The following KCNJ5 variants were observed in gnomAD, a reference collection of about 807,000 sequenced individuals.
KCNJ5 encodes the protein potassium inwardly rectifying channel subfamily J member 5.
Under a neutral mutation model 20.2 loss-of-function variants are expected in KCNJ5, and 12 were observed. The observed-to-expected ratio is 0.59, with a 90% CI of 0.38 to 0.96. The LOEUF is 0.96. KCNJ5 is among the 40% of genes least tolerant of loss of function. KCNJ5 has a pLI of 0.00. For synonymous variants in KCNJ5, 210 were observed against 213.9 expected, an observed-to-expected ratio of 0.98 and a Z score of 0.16; for missense variants, 449 against 557.6, an observed-to-expected ratio of 0.81 and a Z score of 1.96.
chr11:128,904,402 A>G (rs1422826821), intron 1 of KCNJ5: 2 of 1,613,282 alleles, frequency 1.2e-6, no homozygotes, highest in Admixed American at 1.7e-5. Context: ...GCGGACAGAG[A>G]ACGCATCAAG....
chr11:128,903,200 A>T (rs1201778243), intron 1 of KCNJ5, among the ~76,000 whole-genome samples: 1 of 152,232 alleles, frequency 6.6e-6, no homozygotes, highest in Non-Finnish European at 1.5e-5. Context: ...TTCCTAAAAT[A>T]AAGAGAATGC....
At chr11:128,914,608 C>A (rs1944550462) in intron 2 of KCNJ5, among the ~76,000 whole-genome samples, 1 of 152,206 alleles carries the variant, frequency 6.6e-6, no homozygotes, top group South Asian at 2.1e-4. Context: ...CGTATCCTGC[C>A]TGAGCGGGTT....
chr11:128,904,484 A>G (rs1427492587), intron 1 of KCNJ5: 2 of 1,601,894 alleles, frequency 1.2e-6, no homozygotes, highest in South Asian at 2.2e-5. Flanking sequence ...CACGTTGTCC[A>G]GCTCCCAGCT....
chr11:128,894,786 G>T (rs1019130932), intron 1 of KCNJ5, among the ~76,000 whole-genome samples: 5 of 152,340 alleles, frequency 3.3e-5, no homozygotes, highest in African/African-American at 9.6e-5. Context: ...TGCAGCAGCA[G>T]CTTATCTAGT....
chr11:128,906,312 T>C (rs545456656), intron 1 of KCNJ5, among the ~76,000 whole-genome samples: 21 of 152,310 alleles, frequency 1.4e-4, no homozygotes, highest in African/African-American at 5.1e-4. Context: ...TTCCTAACTG[T>C]TTATGATCCG....
rs184052124 is a variant in KCNJ5 at position 128,911,002 on chromosome 11, G to C, written c.-10-262G>C. ...AAACCCTTTCAACACTTAATGTGTA[G>C]TTTGCACCTAGATATTGTTCATTTA... On this transcript the variant is annotated intron_variant, in intron 1 of 2. Transcript: ENST00000529694. The surrounding 1 kb of genome is among the most constrained non-coding windows in gnomAD (Gnocchi z 6.3). Among the ~76,000 whole-genome samples the C allele has an allele frequency of 1.2e-3, 177 of 152,282 alleles. 1 individual carries two copies. The highest frequency in any genetic ancestry group is 2.0e-3 in the Admixed American group (30 of 15,302).
At chr11:128,899,098 G>A (rs1944223571) in intron 1 of KCNJ5, among the ~76,000 whole-genome samples, 3 of 151,830 alleles carry the variant, frequency 2.0e-5, no homozygotes, top group Admixed American at 2.0e-4. Flanking sequence ...TTCCATTTTT[G>A]TGGAGTTGCT....
At chr11:128,908,318 A>G (rs1401853387) in intron 1 of KCNJ5, among the ~76,000 whole-genome samples, 1 of 152,178 alleles carries the variant, frequency 6.6e-6, no homozygotes, top group Non-Finnish European at 1.5e-5. Context: ...GGGCTGGAGG[A>G]GCAGAGGATA....
chr11:128,914,745 G>A (rs529011555), intron 2 of KCNJ5, among the ~76,000 whole-genome samples: 50 of 152,324 alleles, frequency 3.3e-4, no homozygotes, highest in Non-Finnish European at 4.9e-4. Context: ...CTTTCCAAAC[G>A]TATTGAGCAA....
intron 2 of KCNJ5, among the ~76,000 whole-genome samples, chr11:128,914,543 T>C (rs1440802389): frequency 6.6e-6 from 1 of 152,172 alleles, no homozygotes; most frequent in Non-Finnish European, 1.5e-5. Context: ...GTCAAGCACA[T>C]GCAGCCAGGT....
In KCNJ5 at chr11:128,920,871, C is replaced by T. The variant is rs953733146; in HGVS notation, c.*4140C>T. 6.6e-6 allele frequency: 1 copy of T among 152,272 alleles called. No homozygotes were observed. The highest frequency in any genetic ancestry group is 2.4e-5 in the African/African-American group (1 of 41,464). 9.4% of individuals were successfully genotyped at this position (152,272 alleles called of 1,614,324 possible). ...GGTCGCGCCGATTCACATGCTGTGC[C>T]ACGGAGCCCCGGCTTCCATCCATGA... On this transcript the variant is annotated 3_prime_UTR_variant, in exon 3 of 3. Transcript: ENST00000529694.
At position 128,911,632 on chromosome 11, in the gene KCNJ5, A is replaced by T; in HGVS notation, c.359A>T (p.His120Leu). The T allele has an allele frequency of 6.2e-7, 1 of 1,614,206 alleles. No individual in the cohort carries two copies. Among genetic ancestry groups the T allele is most frequent in the Non-Finnish European group, 8.5e-7 (1 of 1,180,034 alleles). ...GCTTATATCCGGGGTGACCTGGACC[A>T]TGTTGGCGACCAAGAGTGGATTCCT... is the stretch of plus-strand genomic sequence containing the variant. ...LIAYIRGDLD[H>L]VGDQEWIPCV... Residue 120 changes from histidine to leucine, a missense_variant, in exon 2 of 3, where the codon CAT (histidine) becomes CTT (leucine). Around this residue, in one of 5 missense-constraint regions of KCNJ5, gnomAD observed 203 missense variants for 258.0 expected, o/e 0.79. Transcript: ENST00000529694. This position sits in a 1 kb window ranked among gnomAD's most constrained non-coding sequence, Gnocchi z 6.3.
chr11:128,913,279 C>CA (rs1280343996), intron 2 of KCNJ5, among the ~76,000 whole-genome samples: 2 of 152,024 alleles, frequency 1.3e-5, no homozygotes, highest in Admixed American at 6.5e-5. Context: ...TCCTTTCTCA[C>CA]AAAAAAACAG....
intron 1 of KCNJ5, among the ~76,000 whole-genome samples, chr11:128,893,046 A>G (rs1015970313): frequency 4.6e-5 from 7 of 152,228 alleles, no homozygotes; most frequent in African/African-American, 1.7e-4. Context: ...GCTTTTCCTC[A>G]AAGCCAGGTG....
At position 128,911,077 on chromosome 11, in the gene KCNJ5, C is replaced by T. The variant is rs1157614332; in HGVS notation, c.-10-187C>T. 2 of 612,810 alleles carry T rather than the reference C, an allele frequency of 3.3e-6. No individual in the cohort carries two copies. Among genetic ancestry groups the T allele is most frequent in the Non-Finnish European group, 5.8e-6 (2 of 345,362 alleles). 38.0% of individuals were successfully genotyped at this position (612,810 alleles called of 1,614,324 possible). On this transcript the variant is annotated intron_variant, in intron 1 of 2. Transcript: ENST00000529694. The surrounding 1 kb of genome is among the most constrained non-coding windows in gnomAD (Gnocchi z 6.3). ...CATCTATTTTGTGCTAGACTCTGTA[C>T]TAGGCACCAGGGATACAAAAGAACC...
At chr11:128,895,761 G>T (rs927344736) in intron 1 of KCNJ5, among the ~76,000 whole-genome samples, 1 of 152,264 alleles carries the variant, frequency 6.6e-6, no homozygotes, top group Non-Finnish European at 1.5e-5. Flanking sequence ...TCCAGCATCC[G>T]TGCTGCGCGC....
At chr11:128,915,975 T>G (rs1944571808) in intron 2 of KCNJ5, among the ~76,000 whole-genome samples, 1 of 116,962 alleles carries the variant, frequency 8.5e-6, no homozygotes, top group Admixed American at 1.0e-4. Flanking sequence ...GATGGATGGA[T>G]GGATGGATGA....
intron 1 of KCNJ5, 57 bp downstream of exon 1, chr11:128,891,778 C>T (rs2135979735): frequency 6.6e-6 from 1 of 152,476 alleles, no homozygotes; most frequent in African/African-American, 2.4e-5. Context: ...TTCTGGAGGG[C>T]AGGATGACAC....
chr11:128,912,713 G>C (rs1944522786), intron 2 of KCNJ5, among the ~76,000 whole-genome samples: 1 of 152,160 alleles, frequency 6.6e-6, no homozygotes, highest in African/African-American at 2.4e-5. Context: ...GTTTCACCAT[G>C]TCGGCCAGGT....
Sources: allele counts gnomAD v4.1 joint callset (sites outside exome capture counted in the v4.1 genomes callset), GRCh38; gene constraint gnomAD v4.1.1; regional missense constraint gnomAD v4.1.1; non-coding constraint Gnocchi (gnomAD v3.1); transcripts MANE v1.5; gene names NCBI Gene and HGNC (gene_info 2026-07-23, HGNC 2026-07-21).